Variants in FRYL observed in about 807,000 individuals in gnomAD.
FRYL encodes protein furry homolog-like.
A neutral mutation model predicts 351.2 loss-of-function variants in FRYL; 150 were observed. The ratio of observed to expected loss-of-function variants is 0.43; its 90% confidence interval spans 0.37 to 0.49. The LOEUF is 0.49. Ranked by LOEUF, FRYL falls within the 20% of genes least tolerant of loss-of-function variation. FRYL has a pLI of 0.00. For missense variants in FRYL, 3,036 were observed against 3,619.3 expected, an observed-to-expected ratio of 0.84 and a Z score of 4.13; for synonymous variants, 1,153 against 1,257.1, an observed-to-expected ratio of 0.92 and a Z score of 1.75.
chr4:48,681,425 C>A (rs1473987930), intron 3 of FRYL, among the ~76,000 whole-genome samples: 1 of 152,106 alleles, frequency 6.6e-6, no homozygotes, highest in Non-Finnish European at 1.5e-5. Flanking sequence ...TATTGAGCGT[C>A]CATCTAGTTT....
At chr4:48,675,045 T>C (rs1430328354) in intron 3 of FRYL, among the ~76,000 whole-genome samples, 5 of 152,190 alleles carry the variant, frequency 3.3e-5, no homozygotes, top group African/African-American at 1.2e-4. Context: ...TTTCAATTTC[T>C]TTTTTCTTTT....
At chr4:48,682,780 G>GAGGATAT (rs934635554) in intron 3 of FRYL, among the ~76,000 whole-genome samples, 5 of 152,222 alleles carry the variant, frequency 3.3e-5, no homozygotes, top group South Asian at 4.1e-4. Flanking sequence ...AGATGTTGGA[G>GAGGATAT]AGGATATAGA....
At chr4:48,572,622 T>C (rs774715702) in intron 26 of FRYL, among the ~76,000 whole-genome samples, 5 of 152,226 alleles carry the variant, frequency 3.3e-5, no homozygotes, top group Non-Finnish European at 7.3e-5. Flanking sequence ...TTAGAATCTC[T>C]TCTCTATGAT....
intron 4 of FRYL, among the ~76,000 whole-genome samples, chr4:48,628,784 T>C (rs1207418343): frequency 6.6e-6 from 1 of 152,032 alleles, no homozygotes; most frequent in Non-Finnish European, 1.5e-5. Flanking sequence ...TGTACTCCCA[T>C]GAGATCTGCA....
intron 59 of FRYL, chr4:48,505,822 T>G (rs1253285862): frequency 6.2e-6 from 3 of 480,654 alleles, no homozygotes; most frequent in African/African-American, 5.9e-5. Flanking sequence ...AGGCACACAC[T>G]TGTGACAGCT....
intron 23 of FRYL, among the ~76,000 whole-genome samples, chr4:48,577,888 A>AC (rs1739975980): frequency 6.6e-6 from 1 of 151,610 alleles, no homozygotes; most frequent in African/African-American, 2.4e-5. Flanking sequence ...TAAAAAAAAA[A>AC]CAAAAAACAA....
At chr4:48,527,689 C>G (rs772534039) in intron 52 of FRYL, 36 bp from the exon 53 acceptor site, 1 of 1,572,224 alleles carries the variant, frequency 6.4e-7, no homozygotes, top group African/African-American at 1.4e-5. Context: ...AAAGTCCATC[C>G]ATCAGATTTG....
At chr4:48,547,909 C>A in intron 40 of FRYL, 140 bp from the exon 41 acceptor site, 1 of 528,094 alleles carries the variant, frequency 1.9e-6, no homozygotes, top group East Asian at 3.1e-5. Context: ...TTTTATTGCC[C>A]TAGAGTTCTT....
At chr4:48,551,638 AC>A (rs1166949215) in intron 36 of FRYL, 60 bp from the exon 37 acceptor site, 116 of 1,011,586 alleles carry the variant, frequency 1.1e-4, no homozygotes, top group Non-Finnish European at 1.5e-4. Flanking sequence ...CCCAATAAGA[AC>A]AAAAGATCTC....
At chr4:48,763,843 C>G (rs1482892207) in intron 1 of FRYL, among the ~76,000 whole-genome samples, 5 of 151,882 alleles carry the variant, frequency 3.3e-5, no homozygotes, top group Non-Finnish European at 5.9e-5. Flanking sequence ...TATAGGAAAC[C>G]CTAAAGATTC....
At chr4:48,599,942 T>C (rs1422910739) in intron 13 of FRYL, among the ~76,000 whole-genome samples, 3 of 152,072 alleles carry the variant, frequency 2.0e-5, no homozygotes, top group East Asian at 1.9e-4. Context: ...ACCCCGTCTG[T>C]ACTAAAAATA....
intron 59 of FRYL, 37 bp downstream of exon 59, chr4:48,510,022 G>A: frequency 7.0e-7 from 1 of 1,424,500 alleles, no homozygotes; most frequent in Non-Finnish European, 9.9e-7. Context: ...AGTGTCAAGA[G>A]CAAACCACTT....
intron 18 of FRYL, among the ~76,000 whole-genome samples, chr4:48,587,759 G>A (rs1382200818): frequency 2.6e-5 from 4 of 152,040 alleles, no homozygotes; most frequent in Admixed American, 6.6e-5. Context: ...TGGTCAGGCT[G>A]GTCTTGAACT....
At chr4:48,598,403 T>C (rs972477964) in intron 13 of FRYL, among the ~76,000 whole-genome samples, 4 of 152,178 alleles carry the variant, frequency 2.6e-5, no homozygotes, top group African/African-American at 9.7e-5. Flanking sequence ...AAACATCTCA[T>C]GTATCCCATA....
chr4:48,553,038 T>A (rs1733239620), intron 36 of FRYL, among the ~76,000 whole-genome samples, 177 bp downstream of exon 36: 1 of 152,206 alleles, frequency 6.6e-6, no homozygotes, highest in African/African-American at 2.4e-5. Flanking sequence ...ACAATTATGT[T>A]AAGCTTCTCT....
At chr4:48,655,984 T>C (rs1758828987) in intron 3 of FRYL, among the ~76,000 whole-genome samples, 1 of 138,694 alleles carries the variant, frequency 7.2e-6, no homozygotes, top group Non-Finnish European at 1.5e-5. Context: ...TTATATATAA[T>C]GTGCAATATA....
intron 3 of FRYL, among the ~76,000 whole-genome samples, chr4:48,673,948 A>G (rs1444067746): frequency 6.6e-6 from 1 of 152,254 alleles, no homozygotes; most frequent in Non-Finnish European, 1.5e-5. Flanking sequence ...AAAACAGAAC[A>G]AGTTAATAGT....
chr4:48,570,760 T>C (rs974001274), intron 27 of FRYL, 67 bp downstream of exon 27: 28 of 1,142,612 alleles, frequency 2.5e-5, no homozygotes, highest in Non-Finnish European at 3.2e-5. Context: ...ATACATTTCA[T>C]GAGCGAAAAG....
chr4:48,767,952 C>A (rs1252595586), intron 1 of FRYL, among the ~76,000 whole-genome samples: 1 of 152,222 alleles, frequency 6.6e-6, no homozygotes, highest in Non-Finnish European at 1.5e-5. Context: ...TTGTGGGTAA[C>A]CTCTGATTGA....
Sources: gnomAD v4.1 joint callset for allele counts (sites outside exome capture counted in the v4.1 genomes callset) on GRCh38, gnomAD v4.1.1 for gene constraint, MANE v1.5 for transcripts, NCBI Gene and HGNC (gene_info 2026-07-23, HGNC 2026-07-21) for gene names.